CUL7: variants seen among roughly 807,000 people sequenced by gnomAD.
The protein encoded by CUL7 is cullin 7, also known as cullin-7.
A neutral mutation model predicts 177.7 loss-of-function variants in CUL7; 96 were observed. The ratio of observed to expected loss-of-function variants is 0.54; its 90% CI spans 0.46 to 0.64. The LOEUF is 0.64. Ranked by LOEUF, CUL7 falls within the 30% of genes least tolerant of loss-of-function variation. The pLI is 0.00. For missense variants in CUL7, 1,893 were observed against 2,187.9 expected (o/e 0.87, Z 2.69); for synonymous variants, 824 against 890.2 (o/e 0.93, Z 1.32).
At position 43,050,703 on chromosome 6, in the gene CUL7, T is replaced by A. The variant is rs1008646450; in HGVS notation, c.1233+265A>T. 1.3e-5 allele frequency among the ~76,000 whole-genome samples: 2 copies of A among 151,856 alleles called. No homozygotes were observed. The highest frequency in any genetic ancestry group is 6.6e-5 in the Admixed American group (1 of 15,240). On this transcript the variant is annotated intron_variant, in intron 4 of 25. Coordinates refer to ENST00000265348, the MANE Select transcript of CUL7 (RefSeq NM_014780.5). This position sits in a 1 kb window ranked among gnomAD's most constrained non-coding sequence, Gnocchi z 4.1. ...CTTCCTTCTGGCCTCCACCACTCCA[T>A]CTCCCTGACCCTGACCTTTGGAGGA...
Position 43,045,463 on chromosome 6 carries a change from T to C in CUL7, c.2863-61A>G. Reference sequence around the variant, plus strand: ...CACCTTGGGATGGGCTGGGGTCAGCTACGCCCTCGAACCTCACCCCTGGAG... The same window carrying C: ...CACCTTGGGATGGGCTGGGGTCAGCCACGCCCTCGAACCTCACCCCTGGAG... On this transcript the variant is annotated intron_variant, in intron 14 of 25. Transcript: ENST00000265348. This position sits in a 1 kb window ranked among gnomAD's most constrained non-coding sequence, Gnocchi z 4.8. 6.2e-7 allele frequency: 1 copy of C among 1,613,996 alleles called. No individual in the cohort carries two copies. Among genetic ancestry groups the C allele is most frequent in the Non-Finnish European group, 8.5e-7 (1 of 1,179,952 alleles).
Position 43,051,434 on chromosome 6 carries a change from C to A in CUL7, c.767G>T (p.Arg256Leu). The part of the protein sequence containing the change: ...PGRVLFSLVK[R>L]YLHVTSLLDQ... ...CAGGAGCGAGGTGACATGCAAATAC[C>A]GCTTCACCAGGGAGAAGAGCACCCT... is the stretch of plus-strand genomic sequence containing the variant. The change falls in exon 4 of 26, where the codon CGG (arginine) becomes CTG (leucine). Residue 256 changes from arginine (R) to leucine (L), a missense_variant. Around this residue, in one of 5 missense-constraint regions of CUL7, gnomAD observed 653 missense variants for 725.2 expected, o/e 0.90. Coordinates refer to ENST00000265348, the MANE Select transcript of CUL7 (RefSeq NM_014780.5). The surrounding 1 kb of genome is among the most constrained non-coding windows in gnomAD (Gnocchi z 5.0). 1.2e-6 allele frequency: 2 copies of A among 1,613,996 alleles called. No homozygotes were observed. Among genetic ancestry groups the A allele is most frequent in the Non-Finnish European group, 1.7e-6 (2 of 1,180,012 alleles).
rs756136211 is a variant in CUL7, at chr6:43,038,666, C to T, written c.4467G>A (p.Ala1489=). The T allele has an allele frequency of 4.8e-5, 77 of 1,613,900 alleles. No individual in the cohort carries two copies. Among genetic ancestry groups the T allele is most frequent in the African/African-American group, 3.2e-4 (24 of 74,912 alleles). The part of the protein sequence containing the change: ...LKAVSVESLL[A]FSGLSADMLN... The stretch of plus-strand genomic sequence containing the variant: ...GCATGTCTGCGGAGAGCCCTGAGAA[C>T]GCCAGCAGACTCTCCACAGAGACCG... The change falls in exon 24 of 26, where the codon GCG becomes GCA. Residue 1489 remains alanine (A), a synonymous_variant. Coordinates refer to ENST00000265348, the MANE Select transcript of CUL7 (RefSeq NM_014780.5).
Position 43,046,618 on chromosome 6 carries a change from A to G in CUL7, c.2398-17T>C. ...CAGCACCATCTGCAGCCAGAACATC[A>G]GAGAGAAGGGGCACAGGGGCAGAAG... On this transcript the variant is annotated splice_polypyrimidine_tract_variant and intron_variant, in intron 10 of 25. Transcript: ENST00000265348. 6.2e-7 allele frequency: 1 copy of G among 1,614,064 alleles called. No homozygotes were observed. The highest frequency in any genetic ancestry group is 8.5e-7 in the Non-Finnish European group (1 of 1,179,986).
chr6:43,051,341 C>G lies in CUL7; in HGVS notation c.860G>C (p.Gly287Ala), dbSNP rs757962460. 6.2e-7 allele frequency: 1 copy of G among 1,612,184 alleles called. No individual in the cohort carries two copies. Among genetic ancestry groups the G allele is most frequent in the Non-Finnish European group, 8.5e-7 (1 of 1,178,606 alleles). Residue 287 changes from glycine to alanine, a missense_variant, in exon 4 of 26, where the codon GGG (glycine) becomes GCG (alanine). Gly to Ala is a moderately conservative substitution (Grantham distance 60). Transcript: ENST00000265348. This position sits in a 1 kb window ranked among gnomAD's most constrained non-coding sequence, Gnocchi z 5.0. ...CTCCAGCTCCAGTTGACCCCTCTCC[C>G]CACTCAACTCCTCAGGAGCAGAGGT... ...QNTSAPEELSGERGQLELEFS... is the reference protein window; with the variant it reads ...QNTSAPEELSAERGQLELEFS...
chr6:43,050,229 G>A lies in CUL7; in HGVS notation c.1372+31C>T. On this transcript the variant is annotated intron_variant, in intron 5 of 25. Coordinates refer to ENST00000265348, the MANE Select transcript of CUL7 (RefSeq NM_014780.5). The surrounding 1 kb of genome is among the most constrained non-coding windows in gnomAD (Gnocchi z 4.1). The stretch of plus-strand genomic sequence containing the variant: ...AGCAGGACCACCATTCCTCTGCTCA[G>A]AGCTGACCCTTGCTTCCTCCCTGAG... The A allele has an allele frequency of 1.2e-6, 2 of 1,614,154 alleles. No homozygotes were observed. Among genetic ancestry groups the A allele is most frequent in the Non-Finnish European group, 1.7e-6 (2 of 1,180,040 alleles).
Position 43,047,099 on chromosome 6 carries a change from C to G in CUL7, c.2178G>C (p.Gln726His), listed in dbSNP as rs1438417679. ...RSPNTDREVL[Q>H]ELIFFLHRLT... ...GGCGGTGCAGGAAGAAAATCAGTTCCTGGAGCACCTGGGTGGGGACATAAG... is the reference window on the plus strand; with the variant it reads ...GGCGGTGCAGGAAGAAAATCAGTTCGTGGAGCACCTGGGTGGGGACATAAG... The change falls in exon 10 of 26, where the codon CAG (glutamine) becomes CAC (histidine). Residue 726 changes from glutamine to histidine, a missense_variant. Physicochemically the swap from Gln to His is conservative, Grantham distance 24. This residue lies in a region of CUL7 where 973 missense variants were observed against 1,140.9 expected (regional missense o/e 0.85). Transcript: ENST00000265348. The G allele has an allele frequency of 6.3e-7, 1 of 1,599,228 alleles. No homozygotes were observed. The highest frequency in any genetic ancestry group is 8.6e-7 in the Non-Finnish European group (1 of 1,166,606).
chr6:43,043,608 C>T lies in CUL7; in HGVS notation c.3195G>A (p.Leu1065=). The change falls in exon 17 of 26, where the codon CTG becomes CTA. Residue 1065 remains leucine (L), a synonymous_variant. Transcript: ENST00000265348. The surrounding 1 kb of genome is among the most constrained non-coding windows in gnomAD (Gnocchi z 4.2). The part of the protein sequence containing the change: ...TSPDEDGISP[L]GWLLDQYLEC... Reference sequence around the variant, plus strand: ...CCAGGTACTGGTCCAGCAGCCAACCCAGGGGGCTAATGCCATCCTCATCTA... The same window carrying T: ...CCAGGTACTGGTCCAGCAGCCAACCTAGGGGGCTAATGCCATCCTCATCTA... 1.2e-6 allele frequency: 2 copies of T among 1,610,548 alleles called. No homozygotes were observed. The highest frequency in any genetic ancestry group is 1.7e-6 in the Non-Finnish European group (2 of 1,178,144).
At chr6:43,044,391 T>G (rs1763706100) in intron 16 of CUL7, among the ~76,000 whole-genome samples, 2 of 151,748 alleles carry the variant, frequency 1.3e-5, no homozygotes. Flanking sequence ...CCCAGCTACT[T>G]GGGAGGCTGA....
In CUL7 at chr6:43,050,539, A is replaced by C. The variant is rs1764302849; in HGVS notation, c.1234-141T>G. On this transcript the variant is annotated intron_variant, in intron 4 of 25. Coordinates refer to ENST00000265348, the MANE Select transcript of CUL7 (RefSeq NM_014780.5). The surrounding 1 kb of genome is among the most constrained non-coding windows in gnomAD (Gnocchi z 4.1). ...AACCTCCACATAACAAAACAGCAGC[A>C]TATGGAGAATACACACACACACACA... 3.0e-6 allele frequency: 2 copies of C among 668,014 alleles called. No homozygotes were observed. The highest frequency in any genetic ancestry group is 5.4e-6 in the Non-Finnish European group (2 of 372,222). 41.4% of individuals were successfully genotyped at this position (668,014 alleles called of 1,614,324 possible).
Position 43,048,372 on chromosome 6 carries a change from T to C in CUL7, c.2023A>G (p.Thr675Ala), listed in dbSNP as rs1764103399. The C allele has an allele frequency of 1.2e-6, 2 of 1,611,452 alleles. No homozygotes were observed. Among genetic ancestry groups the C allele is most frequent in the Non-Finnish European group, 8.5e-7 (1 of 1,177,666 alleles). ...TGCAGGGTCCTGTTAGTCTCCGGAG[T>C]GTCCAGGCTCTGCATCAGTGCCAGG... ...PFLALMQSLDTPETNRTLHLT... is the reference protein window; with the variant it reads ...PFLALMQSLDAPETNRTLHLT... Residue 675 changes from threonine (T) to alanine (A), a missense_variant, in exon 8 of 26, where the codon ACT becomes GCT. By Grantham distance (58) the Thr-to-Ala change is moderately conservative. Transcript: ENST00000265348.
chr6:43,053,589 A>T lies in CUL7; in HGVS notation c.-9+33T>A. The T allele has an allele frequency of 7.6e-7, 1 of 1,311,900 alleles. No homozygotes were observed. Among genetic ancestry groups the T allele is most frequent in the Non-Finnish European group, 9.8e-7 (1 of 1,020,750 alleles). 81.3% of individuals were successfully genotyped at this position (1,311,900 alleles called of 1,614,324 possible). A position where few individuals can be genotyped will look rare whatever the true frequency, so the allele number is the denominator to read the frequency against. On this transcript the variant is annotated intron_variant, in intron 1 of 25. Coordinates refer to ENST00000265348, the MANE Select transcript of CUL7 (RefSeq NM_014780.5). The surrounding 1 kb of genome is among the most constrained non-coding windows in gnomAD (Gnocchi z 4.1). ...TCGATGGGCTAGTGGGCAGGGAAGG[A>T]GAAGCAAGGGGCCGCGGTGGGGCTC...
In CUL7 at chr6:43,040,298, C is replaced by T; in HGVS notation, c.4152G>A (p.Gly1384=). 6.2e-7 allele frequency: 1 copy of T among 1,614,066 alleles called. No individual in the cohort carries two copies. The change falls in exon 22 of 26, where the codon GGG becomes GGA. Residue 1384 remains glycine, a synonymous_variant. Coordinates refer to ENST00000265348, the MANE Select transcript of CUL7 (RefSeq NM_014780.5). This position sits in a 1 kb window ranked among gnomAD's most constrained non-coding sequence, Gnocchi z 4.2. ...CAAGCACAGACACTTCTGGCATTGC[C>T]CCTTCATAGTAGAGGTCCTCATTCT... ...EEENEDLYYE[G]AMPEVSVLVL...
In CUL7 at chr6:43,050,937, C is replaced by CA. The variant is rs1159320679; in HGVS notation, c.1233+30dup. 1 of 1,612,670 alleles carries CA rather than the reference C, an allele frequency of 6.2e-7. No homozygotes were observed. Among genetic ancestry groups the CA allele is most frequent in the African/African-American group, 1.3e-5 (1 of 75,012 alleles). The stretch of plus-strand genomic sequence containing the variant: ...CTCTGCCCTACCCCAAATAGACCCC[C>CA]AACAGTATCCCACCACCATGTGCCA... On this transcript the variant is annotated intron_variant, in intron 4 of 25. Coordinates refer to ENST00000265348, the MANE Select transcript of CUL7 (RefSeq NM_014780.5). The surrounding 1 kb of genome is among the most constrained non-coding windows in gnomAD (Gnocchi z 4.1).
chr6:43,037,948 C>T lies in CUL7; in HGVS notation c.4837G>A (p.Gly1613Arg). The change falls in exon 26 of 26, where the codon GGG becomes AGG. Residue 1613 changes from glycine (G) to arginine (R), a missense_variant. By Grantham distance (125) the Gly-to-Arg change is moderately radical. This residue lies in a region of CUL7 where 248 missense variants were observed against 262.5 expected (regional missense o/e 0.94). Transcript: ENST00000265348. ...PRGLVSSLGK[G>R]SACSSTDVLS... ...ACGTCAGTGCTGCTGCATGCAGACC[C>T]CTTACCAAGGCTGCTGACCAAACCC... 4.4e-6 allele frequency: 7 copies of T among 1,599,798 alleles called. No individual in the cohort carries two copies. The highest frequency in any genetic ancestry group is 5.1e-6 in the Non-Finnish European group (6 of 1,170,316).
Position 43,043,251 on chromosome 6 carries a change from G to A in CUL7, c.3356-71C>T. 7.2e-7 allele frequency: 1 copy of A among 1,383,568 alleles called. No homozygotes were observed. Among genetic ancestry groups the A allele is most frequent in the Non-Finnish European group, 1.0e-6 (1 of 982,420 alleles). The allele number at this position is 1,383,568 out of a possible 1,614,324, so 85.7% of individuals were successfully genotyped here. On this transcript the variant is annotated intron_variant, in intron 17 of 25. Coordinates refer to ENST00000265348, the MANE Select transcript of CUL7 (RefSeq NM_014780.5). The surrounding 1 kb of genome is among the most constrained non-coding windows in gnomAD (Gnocchi z 4.2). ...TCCACTCCCAAGTCCCCATCCAAGGGGGTTCCCTGAGGCCTTTCCTGACAT... is the reference window on the plus strand; with the variant it reads ...TCCACTCCCAAGTCCCCATCCAAGGAGGTTCCCTGAGGCCTTTCCTGACAT...
In CUL7 at chr6:43,048,203, T is replaced by C; in HGVS notation, c.2114A>G (p.His705Arg). Residue 705 changes from histidine to arginine, a missense_variant, in exon 9 of 26, where the codon CAC (histidine) becomes CGC (arginine). Around this residue, in one of 5 missense-constraint regions of CUL7, gnomAD observed 973 missense variants for 1,140.9 expected, o/e 0.85. Transcript: ENST00000265348. ...DFPEALLLPW[H>R]EAVDACMACL... The stretch of plus-strand genomic sequence containing the variant: ...GGCCATGCAGGCATCCACGGCCTCG[T>C]GCCAGGGGAGCAGCAGTGCCTCGGG... 6.2e-7 allele frequency: 1 copy of C among 1,614,116 alleles called. No individual in the cohort carries two copies. The highest frequency in any genetic ancestry group is 1.3e-5 in the African/African-American group (1 of 75,050).
rs1362396363 is a variant in CUL7 at position 43,051,590 on chromosome 6, A to G, written c.732+22T>C. 2.5e-6 allele frequency: 4 copies of G among 1,613,826 alleles called. No homozygotes were observed. In the South Asian group the frequency reaches 3.3e-5, roughly 13 times the overall value. ...TAGATCTTGTTCACAAGTTCCCCCC[A>G]CCTTACACCCCCAAAGGTTACCTGT... On this transcript the variant is annotated intron_variant, in intron 3 of 25. Transcript: ENST00000265348. The surrounding 1 kb of genome is among the most constrained non-coding windows in gnomAD (Gnocchi z 5.0).
chr6:43,051,629 C>A lies in CUL7; in HGVS notation c.715G>T (p.Gly239Cys), dbSNP rs1250082901. ...AAGGTTACCTGTGGTAGCTGAATGC[C>A]CTCGAAAGACATGGGGTGTTCAGAG... is the stretch of plus-strand genomic sequence containing the variant. The part of the protein sequence containing the change: ...TLSEHPMSFE[G>C]IQLPQVPGRV... Residue 239 changes from glycine (G) to cysteine (C), a missense_variant, in exon 3 of 26, where the codon GGC (glycine) becomes TGC (cysteine). By Grantham distance (159) the Gly-to-Cys change is radical (BLOSUM62 -3). Around this residue, in one of 5 missense-constraint regions of CUL7, gnomAD observed 653 missense variants for 725.2 expected, o/e 0.90. Transcript: ENST00000265348. The surrounding 1 kb of genome is among the most constrained non-coding windows in gnomAD (Gnocchi z 5.0). 3 of 1,614,012 alleles carry A rather than the reference C, an allele frequency of 1.9e-6. No individual in the cohort carries two copies. Among genetic ancestry groups the A allele is most frequent in the Non-Finnish European group, 8.5e-7 (1 of 1,180,032 alleles).
Sources: allele counts gnomAD v4.1 joint callset (sites outside exome capture counted in the v4.1 genomes callset), GRCh38; gene constraint gnomAD v4.1.1; regional missense constraint gnomAD v4.1.1; non-coding constraint Gnocchi (gnomAD v3.1); transcripts MANE v1.5; gene names NCBI Gene and HGNC (gene_info 2026-07-23, HGNC 2026-07-21).